INPP4B: variants seen among roughly 807,000 people sequenced by gnomAD.
INPP4B encodes the protein inositol polyphosphate-4-phosphatase type II B.
In INPP4B, 55 loss-of-function variants were observed where a neutral mutation model predicts 122.5. The ratio of observed to expected loss-of-function variants is 0.45; its 90% CI spans 0.36 to 0.56. The LOEUF (loss-of-function observed/expected upper bound fraction) is 0.56, where lower values mean the gene tolerates loss of function less well. INPP4B is among the 20% of genes least tolerant of loss of function. The pLI is 0.00. For synonymous variants in INPP4B, 403 were observed against 388.7 expected, an observed-to-expected ratio of 1.04 and a Z score of -0.43; for missense variants, 1,000 against 1,097.7, an observed-to-expected ratio of 0.91 and a Z score of 1.26.
intron 21 of INPP4B, among the ~76,000 whole-genome samples, chr4:142,120,840 T>C (rs566130710): frequency 6.6e-6 from 1 of 152,264 alleles, no homozygotes; most frequent in South Asian, 2.1e-4. Flanking sequence ...GTGCATCCAA[T>C]TTATTCTGTT....
chr4:142,176,280 C>T (rs1010121246), intron 15 of INPP4B, among the ~76,000 whole-genome samples: 2 of 151,664 alleles, frequency 1.3e-5, no homozygotes, highest in African/African-American at 4.8e-5. Flanking sequence ...AATGCTATCC[C>T]TCCCCACTGC....
chr4:142,025,920 A>G lies in INPP4B; in HGVS notation c.*2862T>C, dbSNP rs983976648. 2.0e-4 allele frequency: 30 copies of G among 152,208 alleles called. No homozygotes were observed. The highest frequency in any genetic ancestry group is 8.5e-4 in the Admixed American group (13 of 15,262). The allele number at this position is 152,208 out of a possible 1,614,324, so 9.4% of individuals were successfully genotyped here. A position where few individuals can be genotyped will look rare whatever the true frequency, so the allele number is the denominator to read the frequency against. On this transcript the variant is annotated 3_prime_UTR_variant, in exon 26 of 26. Transcript: ENST00000262992. ...GAGTGTAGACAAACCTCAAGGCGAT[A>G]TTTAAAAGCAAAAAGCAATGATATG... is the stretch of plus-strand genomic sequence containing the variant.
intron 12 of INPP4B, among the ~76,000 whole-genome samples, chr4:142,224,228 T>C (rs1226514467): frequency 6.6e-6 from 1 of 152,182 alleles, no homozygotes; most frequent in Non-Finnish European, 1.5e-5. Flanking sequence ...AGTTAAATCT[T>C]AGAATGTCAA....
At chr4:142,049,436 A>AAGTT (rs1753289383) in intron 25 of INPP4B, among the ~76,000 whole-genome samples, 1 of 152,080 alleles carries the variant, frequency 6.6e-6, no homozygotes, top group Admixed American at 6.6e-5. Flanking sequence ...TGCCTGAAAG[A>AAGTT]AGTTATGTAA....
At chr4:142,691,824 A>C (rs529993352) in intron 2 of INPP4B, among the ~76,000 whole-genome samples, 1 of 152,298 alleles carries the variant, frequency 6.6e-6, no homozygotes, top group Admixed American at 6.5e-5. Context: ...GGGGACAAGC[A>C]AAAGGCTTGA....
intron 13 of INPP4B, 77 bp downstream of exon 13, chr4:142,208,819 T>C (rs1843625282): frequency 1.8e-6 from 2 of 1,123,000 alleles, no homozygotes; most frequent in South Asian, 2.3e-5. Context: ...ACATAAAATC[T>C]ATTTATTATT....
chr4:142,628,005 A>C (rs1211992748), intron 2 of INPP4B, among the ~76,000 whole-genome samples: 3 of 152,052 alleles, frequency 2.0e-5, no homozygotes, highest in Non-Finnish European at 4.4e-5. Flanking sequence ...CGAGGAATTT[A>C]TCCATTTCTT....
intron 1 of INPP4B, among the ~76,000 whole-genome samples, chr4:142,822,936 G>A (rs1437950004): frequency 2.0e-5 from 3 of 152,106 alleles, no homozygotes; most frequent in East Asian, 1.9e-4. Flanking sequence ...TTTCTCATGC[G>A]TTGGCTCCAG....
chr4:142,284,503 T>C (rs1752626187), intron 9 of INPP4B, among the ~76,000 whole-genome samples: 1 of 152,140 alleles, frequency 6.6e-6, no homozygotes, highest in South Asian at 2.1e-4. Flanking sequence ...ATTTTCCTTC[T>C]CAGGGAAATG....
intron 25 of INPP4B, among the ~76,000 whole-genome samples, chr4:142,067,510 G>C (rs554230109): frequency 6.6e-6 from 1 of 152,132 alleles, no homozygotes; most frequent in Non-Finnish European, 1.5e-5. Flanking sequence ...GGCTTCAGAC[G>C]ATCGGTAACA....
Position 142,252,388 on chromosome 4 carries a change from C to T in INPP4B, c.688+8104G>A, listed in dbSNP as rs377263745. On this transcript the variant is annotated intron_variant, in intron 11 of 25. Transcript: ENST00000262992. Reference sequence around the variant, plus strand: ...TATTTTTAGTAGAGACGGGGTTTCGCCGTGTTAGCCAGGATGGTCTCGATC... The same window carrying T: ...TATTTTTAGTAGAGACGGGGTTTCGTCGTGTTAGCCAGGATGGTCTCGATC... 2.3e-3 allele frequency among the ~76,000 whole-genome samples: 347 copies of T among 151,882 alleles called. 17 individuals carry two copies. In the East Asian group the frequency reaches 0.063, roughly 28 times the overall value.
At chr4:142,683,455 C>T (rs1231692031) in intron 2 of INPP4B, among the ~76,000 whole-genome samples, 1 of 151,758 alleles carries the variant, frequency 6.6e-6, no homozygotes, top group African/African-American at 2.4e-5. Context: ...GAGTATCTGG[C>T]TTTGGTGGCT....
chr4:142,054,234 T>C (rs1756278050), intron 25 of INPP4B, among the ~76,000 whole-genome samples: 2 of 151,452 alleles, frequency 1.3e-5, no homozygotes, highest in Non-Finnish European at 2.9e-5. Context: ...AATGCAACAA[T>C]ATGCCCAACC....
chr4:142,608,434 C>T (rs114095106), intron 2 of INPP4B, among the ~76,000 whole-genome samples: 1,920 of 152,180 alleles, frequency 0.013, 35 homozygotes, highest in African/African-American at 0.044. Context: ...CTGGAATATG[C>T]AGGATTTATG....
At chr4:142,497,066 G>A (rs1397774265) in intron 2 of INPP4B, 1 of 152,070 alleles carries the variant, frequency 6.6e-6, no homozygotes, top group African/African-American at 2.4e-5. Context: ...GTTTGTTTTA[G>A]GGGATTCGTT....
intron 2 of INPP4B, among the ~76,000 whole-genome samples, chr4:142,638,950 A>T (rs1251402851): frequency 6.6e-6 from 1 of 152,036 alleles, no homozygotes; most frequent in Non-Finnish European, 1.5e-5. Flanking sequence ...GATGTTTCCT[A>T]ATATTTTTGG....
At chr4:142,228,857 A>G (rs1852796494) in intron 12 of INPP4B, among the ~76,000 whole-genome samples, 1 of 151,820 alleles carries the variant, frequency 6.6e-6, no homozygotes, top group Non-Finnish European at 1.5e-5. Flanking sequence ...ATAAGCATTT[A>G]TGTGTATTTG....
chr4:142,086,110 G>T, intron 24 of INPP4B, 34 bp downstream of exon 24: 1 of 1,321,076 alleles, frequency 7.6e-7, no homozygotes, highest in Non-Finnish European at 1.1e-6. Context: ...GTTATGACAT[G>T]GCAGGAAATA....
At chr4:142,699,989 T>C (rs954016152) in intron 2 of INPP4B, among the ~76,000 whole-genome samples, 6 of 152,142 alleles carry the variant, frequency 3.9e-5, no homozygotes, top group African/African-American at 1.4e-4. Flanking sequence ...AATCTATTAC[T>C]TCTCCCATCT....
Sources: gnomAD v4.1 joint callset for allele counts (sites outside exome capture counted in the v4.1 genomes callset) on GRCh38, gnomAD v4.1.1 for gene constraint, MANE v1.5 for transcripts, NCBI Gene and HGNC (gene_info 2026-07-23, HGNC 2026-07-21) for gene names.